INTS6: variants seen among roughly 807,000 people sequenced by gnomAD.
INTS6 encodes the protein DEAD box protein.
In INTS6, 16 loss-of-function variants were observed where a neutral mutation model predicts 104.9. That is an observed-to-expected ratio of 0.15 (90% CI 0.10 to 0.23). INTS6 has a LOEUF of 0.23. Among genes scored for constraint, INTS6 ranks in the 10% least tolerant of loss-of-function variants. INTS6 has a pLI of 1.00. For synonymous variants in INTS6, 324 were observed against 358.7 expected, an observed-to-expected ratio of 0.90 and a Z score of 1.09; for missense variants, 584 against 1,062.8, an observed-to-expected ratio of 0.55 and a Z score of 6.26.
At chr13:51,420,756 T>TAAA (rs75997381) in intron 4 of INTS6, among the ~76,000 whole-genome samples, 1 of 125,878 alleles carries the variant, frequency 7.9e-6, no homozygotes, top group Non-Finnish European at 1.7e-5. Flanking sequence ...CTAGCTAAAT[T>TAAA]AAAAAAAAAA....
chr13:51,356,799 C>T (rs770042920), downstream of INTS6, among the ~76,000 whole-genome samples: 2 of 148,450 alleles, frequency 1.3e-5, no homozygotes, highest in South Asian at 2.1e-4. Context: ...TTTTTTTTAA[C>T]GCTATTCAAA....
At chr13:51,343,417 G>A in the INTS6 span, among the ~76,000 whole-genome samples, 1 of 152,150 alleles carries the variant, frequency 6.6e-6, no homozygotes, top group Non-Finnish European at 1.5e-5. Flanking sequence ...GGGATGCCTG[G>A]GGGAGGACAG....
At position 51,395,860 on chromosome 13, in the gene INTS6, C is replaced by T. The variant is rs565952148; in HGVS notation, c.430-377G>A. ...TTTTTGAGGTTGCAGTGCAGAGGCA[C>T]GATCTTGGCTCATTGCAACCTCTGC... On this transcript the variant is annotated intron_variant, in intron 4 of 17. Transcript: ENST00000311234. 5.9e-5 allele frequency among the ~76,000 whole-genome samples: 9 copies of T among 152,248 alleles called. No individual in the cohort carries two copies. In the East Asian group the frequency reaches 7.7e-4, roughly 13 times the overall value.
intron 3 of INTS6, chr13:51,450,540 G>A: frequency 1.0e-6 from 1 of 985,426 alleles, no homozygotes; most frequent in Non-Finnish European, 1.2e-6. Context: ...CTCAGCCAGT[G>A]ACTGTACTCC....
rs570754554 is a variant in INTS6, at chr13:51,449,405, T to C, written c.339+1620A>G. On this transcript the variant is annotated intron_variant, in intron 3 of 17. Coordinates refer to ENST00000311234, the MANE Select transcript of INTS6 (RefSeq NM_012141.3). The stretch of plus-strand genomic sequence containing the variant: ...GTGTTCTCTGGGGGCAGATATCAAC[T>C]GGGAAAAGGAAAATACAGGTTTAAA... 68 of 931,112 alleles carry C rather than the reference T, an allele frequency of 7.3e-5. No individual in the cohort carries two copies. In the African/African-American group the frequency reaches 1.1e-3, roughly 15 times the overall value. 57.7% of individuals were successfully genotyped at this position (931,112 alleles called of 1,614,324 possible).
At chr13:51,341,806 C>A in the INTS6 span, among the ~76,000 whole-genome samples, 5 of 152,222 alleles carry the variant, frequency 3.3e-5, no homozygotes, top group Non-Finnish European at 5.9e-5. Context: ...CAGAGATGAG[C>A]AAATAGGCAT....
Position 51,378,291 on chromosome 13 carries a change from A to G in INTS6, c.1550T>C (p.Leu517Pro). Residue 517 changes from leucine to proline, a missense_variant, in exon 12 of 18, where the codon CTA becomes CCA. By Grantham distance (98) the Leu-to-Pro change is moderately conservative. This residue lies in a region of INTS6 where 74 missense variants were observed against 64.4 expected (regional missense o/e 1.15). Transcript: ENST00000311234. Reference protein sequence around the residue: ...GISEDVPHRLLDLNMKEYTGF... With the variant: ...GISEDVPHRLPDLNMKEYTGF... ...AGTGTATTCCTTCATATTAAGGTCT[A>G]GCAGTCTGTGAGGGACATCCTCTGA... The G allele has an allele frequency of 6.2e-7, 1 of 1,613,494 alleles. No homozygotes were observed. Among genetic ancestry groups the G allele is most frequent in the African/African-American group, 1.3e-5 (1 of 75,034 alleles).
In INTS6 at chr13:51,452,424, G is replaced by A. The variant is rs761589494; in HGVS notation, c.102C>T (p.Thr34=). Residue 34 remains threonine, a synonymous_variant, in exon 1 of 18, where the codon ACC becomes ACT. Coordinates refer to ENST00000311234, the MANE Select transcript of INTS6 (RefSeq NM_012141.3). This position sits in a 1 kb window ranked among gnomAD's most constrained non-coding sequence, Gnocchi z 4.2. The part of the protein sequence containing the change: ...YLDTAKGAVE[T]FMKLRARDPA... Reference sequence around the variant, plus strand: ...CTCGGTCAGTCGGTACCTTCATGAAGGTCTCTACCGCGCCTTTGGCCGTGT... The same window carrying A: ...CTCGGTCAGTCGGTACCTTCATGAAAGTCTCTACCGCGCCTTTGGCCGTGT... 6.2e-7 allele frequency: 1 copy of A among 1,608,804 alleles called. No homozygotes were observed. Among genetic ancestry groups the A allele is most frequent in the Non-Finnish European group, 8.5e-7 (1 of 1,177,292 alleles).
chr13:51,397,424 C>A (rs1394933912), intron 4 of INTS6, among the ~76,000 whole-genome samples: 4 of 152,108 alleles, frequency 2.6e-5, no homozygotes, highest in Admixed American at 6.6e-5. Flanking sequence ...TTCTCTGGCA[C>A]GTAAGGCAGA....
chr13:51,450,660 G>A, intron 3 of INTS6: 1 of 991,418 alleles, frequency 1.0e-6, no homozygotes, highest in East Asian at 1.1e-4. Flanking sequence ...TAGAAACGAA[G>A]AACACGAACT....
chr13:51,398,941 C>T (rs985539303), intron 4 of INTS6, among the ~76,000 whole-genome samples: 2 of 152,104 alleles, frequency 1.3e-5, no homozygotes, highest in African/African-American at 4.8e-5. Flanking sequence ...CATATAAGAA[C>T]ATATATCCAG....
chr13:51,414,843 C>T (rs988484058), intron 4 of INTS6, among the ~76,000 whole-genome samples: 7 of 146,498 alleles, frequency 4.8e-5, no homozygotes, highest in Non-Finnish European at 9.1e-5. Context: ...TACACACACA[C>T]ACACACACAC....
chr13:51,407,572 G>A (rs911416468), intron 4 of INTS6, among the ~76,000 whole-genome samples: 3 of 152,022 alleles, frequency 2.0e-5, no homozygotes, highest in South Asian at 4.1e-4. Context: ...ACCAAATACA[G>A]AGGAAAAAAT....
At chr13:51,400,405 G>A (rs749326011) in intron 4 of INTS6, among the ~76,000 whole-genome samples, 32 of 152,218 alleles carry the variant, frequency 2.1e-4, no homozygotes, top group Non-Finnish European at 4.1e-4. Flanking sequence ...TAATGAAGAT[G>A]CTCTCCCATG....
intron 3 of INTS6, among the ~76,000 whole-genome samples, chr13:51,431,167 A>G (rs1957083982): frequency 6.6e-6 from 1 of 152,194 alleles, no homozygotes; most frequent in Non-Finnish European, 1.5e-5. Context: ...AGACAAACAT[A>G]AGCTTGCCTT....
intron 4 of INTS6, among the ~76,000 whole-genome samples, chr13:51,425,969 T>TA (rs964549238): frequency 3.3e-5 from 5 of 150,222 alleles, no homozygotes; most frequent in Non-Finnish European, 5.9e-5. Flanking sequence ...ATAGCTGCAT[T>TA]AAAAAAAAAG....
chr13:51,348,657 A>G, the INTS6 span: 1 of 485,408 alleles, frequency 2.1e-6, no homozygotes, highest in East Asian at 3.4e-5. Flanking sequence ...CCAAGACAAG[A>G]TATTCTGCCT....
intron 4 of INTS6, among the ~76,000 whole-genome samples, chr13:51,396,382 TAATAG>T (rs1956338926): frequency 6.6e-6 from 1 of 152,172 alleles, no homozygotes; most frequent in Non-Finnish European, 1.5e-5. Context: ...GTTTTATTAA[TAATAG>T]ATGTTTCTTC....
downstream of INTS6, among the ~76,000 whole-genome samples, chr13:51,359,404 T>G (rs948815423): frequency 6.6e-6 from 1 of 152,144 alleles, no homozygotes; most frequent in Non-Finnish European, 1.5e-5. Context: ...TAAAAGATGC[T>G]GATGCTGGGG....
Sources: gnomAD v4.1 joint callset for allele counts (sites outside exome capture counted in the v4.1 genomes callset) on GRCh38, gnomAD v4.1.1 for gene constraint, gnomAD v4.1.1 regional missense constraint, Gnocchi (gnomAD v3.1) non-coding constraint, MANE v1.5 for transcripts, NCBI Gene and HGNC (gene_info 2026-07-23, HGNC 2026-07-21) for gene names.